CREBBP: variants seen among roughly 807,000 people sequenced by gnomAD.
CREBBP encodes the protein CREB binding lysine acetyltransferase, also known as CREB-binding protein.
A neutral mutation model predicts 265.0 loss-of-function variants in CREBBP; 19 were observed. The observed-to-expected ratio is 0.07, with a 90% confidence interval of 0.05 to 0.11. CREBBP has a LOEUF of 0.11. Among genes scored for constraint, CREBBP ranks in the 10% least tolerant of loss-of-function variants. The pLI, the probability that CREBBP is intolerant of heterozygous loss-of-function variation, is 1.00. For synonymous variants in CREBBP, 1,457 were observed against 1,223.7 expected (o/e 1.19, Z -3.98); for missense variants, 2,525 against 3,219.0 (o/e 0.78, Z 5.22).
chr16:3,843,907 G>C (rs996420257), intron 2 of CREBBP, among the ~76,000 whole-genome samples: 3 of 151,778 alleles, frequency 2.0e-5, no homozygotes, highest in African/African-American at 4.8e-5. Flanking sequence ...CCAGCACTTT[G>C]GGAGGCCGAG....
In CREBBP at chr16:3,728,872, G is replaced by A. The variant is rs1261434146; in HGVS notation, c.6175C>T (p.Pro2059Ser). The A allele has an allele frequency of 6.2e-7, 1 of 1,612,048 alleles. No homozygotes were observed. Among genetic ancestry groups the A allele is most frequent in the East Asian group, 2.2e-5 (1 of 44,890 alleles). ...AGAGCGCTGGGTGAGATGCTCCTGGGTGGCTGCACGCTGGGCATCCGGGGC... is the reference window on the plus strand; with the variant it reads ...AGAGCGCTGGGTGAGATGCTCCTGGATGGCTGCACGCTGGGCATCCGGGGC... ...AGPRMPSVQP[P>S]RSISPSALQD... Residue 2059 changes from proline (P) to serine (S), a missense_variant, in exon 31 of 31, where the codon CCC becomes TCC. Physicochemically the swap from Pro to Ser is moderately conservative, Grantham distance 74. This residue lies in a region of CREBBP where 275 missense variants were observed against 276.5 expected (regional missense o/e 0.99). Coordinates refer to ENST00000262367, the MANE Select transcript of CREBBP (RefSeq NM_004380.3). The surrounding 1 kb of genome is among the most constrained non-coding windows in gnomAD (Gnocchi z 8.7).
At chr16:3,737,587 G>C (rs2052097090) in intron 26 of CREBBP, among the ~76,000 whole-genome samples, 1 of 151,268 alleles carries the variant, frequency 6.6e-6, no homozygotes, top group South Asian at 2.1e-4. Context: ...CACCTCCTGA[G>C]GAGCTGGGAT....
At chr16:3,755,820 G>A (rs2052572838) in intron 19 of CREBBP, among the ~76,000 whole-genome samples, 1 of 152,136 alleles carries the variant, frequency 6.6e-6, no homozygotes, top group Non-Finnish European at 1.5e-5. Context: ...TGCACACGCT[G>A]CACTTCTAGC....
At position 3,879,781 on chromosome 16, in the gene CREBBP, TG is replaced by T. The variant is rs1412577632; in HGVS notation, c.85+50del. The T allele has an allele frequency of 1.8e-5, 28 of 1,521,012 alleles. No homozygotes were observed. In the Admixed American group the frequency reaches 3.5e-4, roughly 19 times the overall value. The allele number at this position is 1,521,012 out of a possible 1,614,324, so 94.2% of individuals were successfully genotyped here. ...CGACCCCCGGACGCTCTCTTTCAGG[TG>T]GGGGTGACAGCGCGCCCCGGGCCCC... On this transcript the variant is annotated intron_variant, in intron 1 of 30. Coordinates refer to ENST00000262367, the MANE Select transcript of CREBBP (RefSeq NM_004380.3).
chr16:3,759,345 T>A (rs937707861), intron 16 of CREBBP, among the ~76,000 whole-genome samples: 1 of 152,082 alleles, frequency 6.6e-6, no homozygotes, highest in East Asian at 1.9e-4. Context: ...TCCCAGCACT[T>A]TGGGAGACTG....
At chr16:3,873,974 T>C (rs2055349673) in intron 1 of CREBBP, among the ~76,000 whole-genome samples, 1 of 152,134 alleles carries the variant, frequency 6.6e-6, no homozygotes, top group South Asian at 2.1e-4. Context: ...GGGAGGGAAG[T>C]GCTGGGAAGA....
In CREBBP at chr16:3,793,624, A is replaced by G. The variant is rs2141286534; in HGVS notation, c.978T>C (p.Ser326=). The G allele has an allele frequency of 6.2e-7, 1 of 1,612,816 alleles. No homozygotes were observed. Among genetic ancestry groups the G allele is most frequent in the East Asian group, 2.2e-5 (1 of 44,874 alleles). The stretch of plus-strand genomic sequence containing the variant: ...CAATTCCCACTGATGTTTGCATCTG[A>G]GACTAAAATAAAGCAAAATAATAAA... The part of the protein sequence containing the change: ...NTSVTNVPNM[S]QMQTSVGIVP... The change falls in exon 4 of 31, where the codon TCT becomes TCC. Residue 326 remains serine, a splice_region_variant and synonymous_variant. Coordinates refer to ENST00000262367, the MANE Select transcript of CREBBP (RefSeq NM_004380.3).
intron 16 of CREBBP, among the ~76,000 whole-genome samples, chr16:3,761,055 A>G (rs1567290447): frequency 6.6e-6 from 1 of 152,104 alleles, no homozygotes; most frequent in Non-Finnish European, 1.5e-5. Context: ...CCCGGGTTCA[A>G]GCGATTCTCC....
At chr16:3,857,951 G>A (rs146805082) in intron 1 of CREBBP, among the ~76,000 whole-genome samples, 1 of 152,348 alleles carries the variant, frequency 6.6e-6, no homozygotes, top group African/African-American at 2.4e-5. Flanking sequence ...TAGGGACTTA[G>A]GAAGGAGAAA....
intron 3 of CREBBP, among the ~76,000 whole-genome samples, chr16:3,807,336 C>T (rs1483852005): frequency 6.6e-6 from 1 of 152,132 alleles, no homozygotes; most frequent in Non-Finnish European, 1.5e-5. Context: ...GCACTGGAGT[C>T]CTGACTGGGA....
At position 3,864,828 on chromosome 16, in the gene CREBBP, A is replaced by G. The variant is rs2055144915; in HGVS notation, c.86-13819T>C. The stretch of plus-strand genomic sequence containing the variant: ...ACACCTGTAATCCCAGCACTGTGGG[A>G]GGCCAAGGCAGGCAGGTCACCTGAG... On this transcript the variant is annotated intron_variant, in intron 1 of 30. Transcript: ENST00000262367. Among the ~76,000 whole-genome samples the G allele has an allele frequency of 1.3e-5, 2 of 152,218 alleles. 1 individual carries two copies. The highest frequency in any genetic ancestry group is 4.1e-4 in the South Asian group (2 of 4,834).
chr16:3,875,629 C>A (rs933176620), intron 1 of CREBBP, among the ~76,000 whole-genome samples: 4 of 152,200 alleles, frequency 2.6e-5, no homozygotes, highest in Non-Finnish European at 4.4e-5. Context: ...TTGGCAGGTT[C>A]CTGGGTCGAT....
chr16:3,879,823 C>T lies in CREBBP; in HGVS notation c.85+9G>A, dbSNP rs1310381167. 2 of 1,598,666 alleles carry T rather than the reference C, an allele frequency of 1.3e-6. No individual in the cohort carries two copies. Among genetic ancestry groups the T allele is most frequent in the Non-Finnish European group, 1.7e-6 (2 of 1,172,512 alleles). ...CCCGGGCCCCCGCCGCCCCGGACCC[C>T]CTCCTCACCTGTGCTGTCATTCGCC... On this transcript the variant is annotated intron_variant, in intron 1 of 30. Transcript: ENST00000262367.
At chr16:3,806,632 C>G (rs1249181624) in intron 3 of CREBBP, among the ~76,000 whole-genome samples, 3 of 152,284 alleles carry the variant, frequency 2.0e-5, no homozygotes. Context: ...AAAGCTTAAG[C>G]AAGACGTCAC....
chr16:3,734,281 C>T (rs1268340093), intron 28 of CREBBP, among the ~76,000 whole-genome samples: 5 of 152,208 alleles, frequency 3.3e-5, no homozygotes, highest in Non-Finnish European at 7.3e-5. Context: ...CCAGAGCGAG[C>T]TCCTGGGGTG....
intron 2 of CREBBP, among the ~76,000 whole-genome samples, chr16:3,824,062 G>A (rs2054192705): frequency 6.6e-6 from 1 of 152,164 alleles, no homozygotes; most frequent in Non-Finnish European, 1.5e-5. Flanking sequence ...GACACACACA[G>A]GGCCACGTTC....
At chr16:3,753,307 AT>A (rs1167916688) in intron 19 of CREBBP, among the ~76,000 whole-genome samples, 1 of 152,218 alleles carries the variant, frequency 6.6e-6, no homozygotes, top group African/African-American at 2.4e-5. Flanking sequence ...TACATTGAGC[AT>A]TTTGTCTGTT....
At chr16:3,768,203 T>C (rs2052912283) in intron 15 of CREBBP, among the ~76,000 whole-genome samples, 1 of 120,222 alleles carries the variant, frequency 8.3e-6, no homozygotes, top group South Asian at 2.9e-4. Context: ...TGGAGTGCAA[T>C]GGCAAGATCT....
At chr16:3,856,900 A>G (rs965911526) in intron 1 of CREBBP, among the ~76,000 whole-genome samples, 5 of 152,166 alleles carry the variant, frequency 3.3e-5, no homozygotes, top group African/African-American at 1.2e-4. Flanking sequence ...GCCACAGAAG[A>G]GCAGATAAAC....
Sources: gnomAD v4.1 joint callset for allele counts (sites outside exome capture counted in the v4.1 genomes callset) on GRCh38, gnomAD v4.1.1 for gene constraint, gnomAD v4.1.1 regional missense constraint, Gnocchi (gnomAD v3.1) non-coding constraint, MANE v1.5 for transcripts, NCBI Gene and HGNC (gene_info 2026-07-23, HGNC 2026-07-21) for gene names.